ABR: variants seen among roughly 807,000 people sequenced by gnomAD.
ABR encodes the protein active breakpoint cluster region-related protein.
A neutral mutation model predicts 107.2 loss-of-function variants in ABR; 35 were observed. The observed-to-expected ratio is 0.33, with a 90% CI of 0.25 to 0.43. The LOEUF is 0.43. Among genes scored for constraint, ABR ranks in the 20% least tolerant of loss-of-function variants. ABR has a pLI of 1.00. For missense variants in ABR, 815 were observed against 1,115.2 expected (o/e 0.73, Z 3.83); for synonymous variants, 498 against 462.0 (o/e 1.08, Z -1.00).
At chr17:1,132,138 G>T (rs1045218434) in intron 1 of ABR, among the ~76,000 whole-genome samples, 2 of 152,094 alleles carry the variant, frequency 1.3e-5, no homozygotes, top group African/African-American at 4.8e-5. Flanking sequence ...AAGGCAGGAG[G>T]ATCACTTGAG....
intron 14 of ABR, among the ~76,000 whole-genome samples, chr17:1,052,051 G>T (rs1326952190): frequency 2.0e-5 from 3 of 151,418 alleles, no homozygotes; most frequent in Admixed American, 1.3e-4. Context: ...TCCAGCCTGG[G>T]CGACCAAGTG....
chr17:1,079,157 C>T (rs2035993449), intron 6 of ABR, 173 bp downstream of exon 6: 8 of 1,449,500 alleles, frequency 5.5e-6, no homozygotes, highest in South Asian at 2.8e-5. Context: ...AGAGTCCTCG[C>T]GTGCGCGCAC....
At chr17:1,101,601 A>G (rs2037870911) in intron 2 of ABR, among the ~76,000 whole-genome samples, 1 of 152,154 alleles carries the variant, frequency 6.6e-6, no homozygotes, top group Non-Finnish European at 1.5e-5. Flanking sequence ...CCACTGGGCT[A>G]TGTGTCCATT....
intron 1 of ABR, among the ~76,000 whole-genome samples, chr17:1,178,953 C>A (rs1157408680): frequency 6.6e-6 from 1 of 151,512 alleles, no homozygotes; most frequent in East Asian, 1.9e-4. Context: ...AGAGCAATCA[C>A]ATGATCCAGA....
chr17:1,077,675 C>T (rs1013922714), intron 6 of ABR, among the ~76,000 whole-genome samples: 2 of 152,192 alleles, frequency 1.3e-5, no homozygotes, highest in African/African-American at 4.8e-5. Context: ...ATCTCTCTTC[C>T]GGCAAGCCAC....
intron 1 of ABR, among the ~76,000 whole-genome samples, chr17:1,221,367 G>A: frequency 6.6e-6 from 1 of 152,204 alleles, no homozygotes; most frequent in East Asian, 1.9e-4. Context: ...ATTCCTGCCT[G>A]AAATGTGAAT....
Position 1,037,641 on chromosome 17 carries a change from C to G in ABR, c.1791+12409G>C, listed in dbSNP as rs747699379. On this transcript the variant is annotated intron_variant, in intron 16 of 22. Transcript: ENST00000302538. The surrounding 1 kb of genome is among the most constrained non-coding windows in gnomAD (Gnocchi z 4.6). ...ATGCTGTCCCTACCGCTGGAGCCCC[C>G]CTGGGCTGCTTGCCTGCTCCTCCTC... 2.0e-5 allele frequency among the ~76,000 whole-genome samples: 3 copies of G among 152,286 alleles called. No homozygotes were observed. Among genetic ancestry groups the G allele is most frequent in the East Asian group, 3.9e-4 (2 of 5,184 alleles).
chr17:1,201,879 G>A (rs1468708202), intron 1 of ABR, among the ~76,000 whole-genome samples: 4 of 152,066 alleles, frequency 2.6e-5, no homozygotes, highest in South Asian at 2.1e-4. Flanking sequence ...GGGTTTCACC[G>A]TGTTAGCCAG....
At chr17:1,159,571 C>CAA (rs2041195145) in intron 1 of ABR, among the ~76,000 whole-genome samples, 2 of 90,752 alleles carry the variant, frequency 2.2e-5, no homozygotes, top group African/African-American at 8.0e-5. Flanking sequence ...TACTCACACA[C>CAA]GGGAGAAGTA....
intron 16 of ABR, among the ~76,000 whole-genome samples, chr17:1,035,266 A>C (rs549642574): frequency 2.0e-5 from 3 of 151,406 alleles, no homozygotes; most frequent in South Asian, 4.2e-4. Context: ...TGCTGGGTTC[A>C]GCTCAGGCTA....
chr17:1,195,299 T>TCC (rs557813493), intron 1 of ABR, among the ~76,000 whole-genome samples: 13,475 of 98,164 alleles, frequency 0.14, 1,099 homozygotes, highest in East Asian at 0.35. Context: ...AGAATGAGAC[T>TCC]GTCTCAAAAA....
chr17:1,064,997 TTCCTC>T (rs2034548594), intron 10 of ABR, among the ~76,000 whole-genome samples: 1 of 89,750 alleles, frequency 1.1e-5, no homozygotes, highest in Admixed American at 1.1e-4. Flanking sequence ...GCTATGCATG[TTCCTC>T]TAGACACTGC....
intron 2 of ABR, among the ~76,000 whole-genome samples, chr17:1,103,073 T>C (rs544902780): frequency 6.2e-4 from 94 of 152,306 alleles, no homozygotes; most frequent in African/African-American, 2.2e-3. Context: ...CTTAAGTTTG[T>C]GGCGATTTGT....
At chr17:1,113,235 G>T (rs565497812) in intron 2 of ABR, among the ~76,000 whole-genome samples, 6 of 151,202 alleles carry the variant, frequency 4.0e-5, no homozygotes, top group Middle Eastern at 3.4e-3. Flanking sequence ...TGCAGCTGAG[G>T]TGCCACTTTT....
chr17:1,122,460 CA>C (rs2039397134), intron 2 of ABR, among the ~76,000 whole-genome samples: 1 of 152,200 alleles, frequency 6.6e-6, no homozygotes. Flanking sequence ...CCTGAATTAA[CA>C]AAAAGGCAGA....
At chr17:1,221,506 C>T (rs151090268) in intron 1 of ABR, among the ~76,000 whole-genome samples, 37 of 152,298 alleles carry the variant, frequency 2.4e-4, no homozygotes, top group Admixed American at 8.5e-4. Context: ...GACTGCTGGC[C>T]GCTGGAATTC....
intron 21 of ABR, among the ~76,000 whole-genome samples, chr17:1,008,311 G>A (rs901933893): frequency 2.0e-5 from 3 of 152,224 alleles, no homozygotes; most frequent in Non-Finnish European, 2.9e-5. Context: ...CCCACCCTAA[G>A]CAGCGCCTCT....
intron 1 of ABR, among the ~76,000 whole-genome samples, chr17:1,145,226 G>A (rs542420565): frequency 1.2e-3 from 187 of 152,194 alleles, no homozygotes; most frequent in Middle Eastern, 6.8e-3. Context: ...TGAGTGATAC[G>A]ATCTCCTAAT....
intron 2 of ABR, among the ~76,000 whole-genome samples, chr17:1,114,121 G>A (rs559337132): frequency 6.8e-6 from 1 of 147,796 alleles, no homozygotes; most frequent in Admixed American, 6.8e-5. Flanking sequence ...AATGAACTGT[G>A]TTTGTGCTAC....
Sources: gnomAD v4.1 joint callset for allele counts (sites outside exome capture counted in the v4.1 genomes callset) on GRCh38, gnomAD v4.1.1 for gene constraint, Gnocchi (gnomAD v3.1) non-coding constraint, MANE v1.5 for transcripts, NCBI Gene and HGNC (gene_info 2026-07-23, HGNC 2026-07-21) for gene names.